The following BAZ1B variants were observed in gnomAD, a reference collection of about 807,000 sequenced individuals.
BAZ1B encodes bromodomain adjacent to zinc finger domain 1B, also known as tyrosine-protein kinase BAZ1B.
Under a neutral mutation model 153.8 loss-of-function variants are expected in BAZ1B, and 22 were observed. The observed-to-expected ratio is 0.14, with a 90% CI of 0.10 to 0.20. The LOEUF (loss-of-function observed/expected upper bound fraction) is 0.20. Ranked by LOEUF, BAZ1B falls within the 10% of genes least tolerant of loss-of-function variation. The pLI is 1.00. For synonymous variants in BAZ1B, 676 were observed against 633.4 expected, an observed-to-expected ratio of 1.07 and a Z score of -1.01; for missense variants, 1,325 against 1,799.3, an observed-to-expected ratio of 0.74 and a Z score of 4.77.
chr7:73,458,860 T>C (rs1249426670), intron 13 of BAZ1B, among the ~76,000 whole-genome samples: 2 of 152,236 alleles, frequency 1.3e-5, no homozygotes, highest in East Asian at 3.9e-4. Flanking sequence ...AATCACCGCA[T>C]ACCAGCTTAC....
chr7:73,440,658 A>T lies in BAZ1B; in HGVS notation c.*1051T>A, dbSNP rs1563358111. 1 of 152,224 alleles carries T rather than the reference A, an allele frequency of 6.6e-6. No individual in the cohort carries two copies. The highest frequency in any genetic ancestry group is 2.4e-5 in the African/African-American group (1 of 41,420). The allele number at this position is 152,224 out of a possible 1,614,324, so 9.4% of individuals were successfully genotyped here. A position where few individuals can be genotyped will look rare whatever the true frequency, so the allele number is the denominator to read the frequency against. ...GTCAGTGCCAACTCCATGCCTATAGAAGGGACGGTAAACTACCCAGCAGCC... is the reference window on the plus strand; with the variant it reads ...GTCAGTGCCAACTCCATGCCTATAGTAGGGACGGTAAACTACCCAGCAGCC... On this transcript the variant is annotated 3_prime_UTR_variant, in exon 20 of 20. Coordinates refer to ENST00000339594, the MANE Select transcript of BAZ1B (RefSeq NM_032408.4).
rs564058302 is a variant in BAZ1B at position 73,450,227 on chromosome 7, T to G, written c.3581-538A>C. On this transcript the variant is annotated intron_variant, in intron 14 of 19. Coordinates refer to ENST00000339594, the MANE Select transcript of BAZ1B (RefSeq NM_032408.4). This position sits in a 1 kb window ranked among gnomAD's most constrained non-coding sequence, Gnocchi z 4.1. The stretch of plus-strand genomic sequence containing the variant: ...CGCGCCCGGCCCCTGATGGGTTCCC[T>G]TAAACCATGTGGTTTCTTACATTTG... 9.8e-5 allele frequency among the ~76,000 whole-genome samples: 15 copies of G among 152,300 alleles called. No individual in the cohort carries two copies. Among genetic ancestry groups the G allele is most frequent in the South Asian group, 8.3e-4 (4 of 4,820 alleles).
At chr7:73,468,220 G>A (rs1366053960) in intron 9 of BAZ1B, among the ~76,000 whole-genome samples, 1 of 152,174 alleles carries the variant, frequency 6.6e-6, no homozygotes, top group Non-Finnish European at 1.5e-5. Flanking sequence ...GCTGAAAGAA[G>A]CTTATGGATC....
chr7:73,468,188 T>C (rs1278705260), intron 9 of BAZ1B, among the ~76,000 whole-genome samples: 2 of 152,236 alleles, frequency 1.3e-5, no homozygotes, highest in African/African-American at 4.8e-5. Context: ...TAAGCAATTT[T>C]CATTAGGTTA....
intron 15 of BAZ1B, among the ~76,000 whole-genome samples, chr7:73,447,657 T>C (rs1787887501): frequency 6.6e-6 from 1 of 152,166 alleles, no homozygotes; most frequent in Non-Finnish European, 1.5e-5. Context: ...AATGCAATCC[T>C]ACCCTTCCCC....
chr7:73,475,028 C>T (rs1480165904), intron 7 of BAZ1B, among the ~76,000 whole-genome samples: 1 of 152,058 alleles, frequency 6.6e-6, no homozygotes, highest in African/African-American at 2.4e-5. Flanking sequence ...CAATGAGATA[C>T]CATTTCACAC....
At chr7:73,514,966 G>A (rs1377810178) in intron 1 of BAZ1B, among the ~76,000 whole-genome samples, 7 of 152,040 alleles carry the variant, frequency 4.6e-5, no homozygotes, top group African/African-American at 7.2e-5. Context: ...CCAGCTACTC[G>A]GGAGGCTGAG....
In BAZ1B at chr7:73,465,545, G is replaced by A. The variant is rs539980168; in HGVS notation, c.2973-8C>T. On this transcript the variant is annotated splice_polypyrimidine_tract_variant and splice_region_variant and intron_variant, in intron 10 of 19. Coordinates refer to ENST00000339594, the MANE Select transcript of BAZ1B (RefSeq NM_032408.4). The stretch of plus-strand genomic sequence containing the variant: ...TGACTATCACATAAAAACCTGTAGG[G>A]GCAAAAGAGACCTGATAACTCTGAA... The A allele has an allele frequency of 1.3e-6, 2 of 1,567,848 alleles. No homozygotes were observed. Among genetic ancestry groups the A allele is most frequent in the East Asian group, 2.3e-5 (1 of 44,348 alleles).
In BAZ1B at chr7:73,477,487, G is replaced by C; in HGVS notation, c.1974C>G (p.Leu658=). 1 of 1,614,198 alleles carries C rather than the reference G, an allele frequency of 6.2e-7. No individual in the cohort carries two copies. Among genetic ancestry groups the C allele is most frequent in the Non-Finnish European group, 8.5e-7 (1 of 1,180,028 alleles). The part of the protein sequence containing the change: ...FLYLNRVLVI[L]LQTLLQDEIA... ...TCTCATCTTGTAGGAGGGTCTGTAA[G>C]AGGATGACCAACACCCTGTTAAGGT... is the stretch of plus-strand genomic sequence containing the variant. The change falls in exon 7 of 20, where the codon CTC becomes CTG. Residue 658 remains leucine (L), a synonymous_variant. Transcript: ENST00000339594. This position sits in a 1 kb window ranked among gnomAD's most constrained non-coding sequence, Gnocchi z 5.6.
chr7:73,463,144 G>A (rs1237591544), intron 11 of BAZ1B, 45 bp from the exon 12 acceptor site: 2 of 1,497,300 alleles, frequency 1.3e-6, no homozygotes, highest in African/African-American at 1.4e-5. Context: ...ACAAACTTTT[G>A]AAGATGTTCT....
At chr7:73,511,099 T>C (rs1174684107) in intron 1 of BAZ1B, among the ~76,000 whole-genome samples, 7 of 151,792 alleles carry the variant, frequency 4.6e-5, no homozygotes, top group African/African-American at 1.7e-4. Context: ...AAACCCCGTG[T>C]CTACTAAAAA....
chr7:73,496,033 A>G (rs896058256), intron 4 of BAZ1B, among the ~76,000 whole-genome samples: 1 of 152,212 alleles, frequency 6.6e-6, no homozygotes, highest in African/African-American at 2.4e-5. Context: ...ATTAATAAAT[A>G]TAACAGAAAA....
intron 1 of BAZ1B, among the ~76,000 whole-genome samples, chr7:73,518,852 C>G (rs572938812): frequency 6.6e-6 from 1 of 152,292 alleles, no homozygotes; most frequent in South Asian, 2.1e-4. Context: ...TATTTCTAAG[C>G]TTTAGAAACT....
chr7:73,474,157 C>T (rs1378766085), intron 7 of BAZ1B, among the ~76,000 whole-genome samples: 1 of 151,936 alleles, frequency 6.6e-6, no homozygotes, highest in Non-Finnish European at 1.5e-5. Flanking sequence ...TGATTTTTGA[C>T]AAGCGTATCA....
At chr7:73,462,617 T>G in intron 12 of BAZ1B, 1 of 332,832 alleles carries the variant, frequency 3.0e-6, no homozygotes, top group South Asian at 2.9e-5. Flanking sequence ...CATCGCAAGG[T>G]AAAGATGTTA....
rs73362328 is a variant in BAZ1B, at chr7:73,459,496, T to C, written c.3432+40A>G. 3,096 of 1,590,466 alleles carry C rather than the reference T, an allele frequency of 1.9e-3. 54 individuals carry two copies. In the African/African-American group the frequency reaches 0.035, roughly 18 times the overall value. ...ATTATTTTAAAACCAAATCAACTCA[T>C]CTACGGAATCATAAACTACAACTTA... On this transcript the variant is annotated intron_variant, in intron 13 of 19. Coordinates refer to ENST00000339594, the MANE Select transcript of BAZ1B (RefSeq NM_032408.4).
chr7:73,465,561 T>G, intron 10 of BAZ1B, 24 bp from the exon 11 acceptor site: 1 of 1,419,914 alleles, frequency 7.0e-7, no homozygotes, highest in Non-Finnish European at 9.6e-7. Context: ...AGAGACCTGA[T>G]AACTCTGAAA....
At chr7:73,456,689 G>T (rs1277950984) in intron 13 of BAZ1B, among the ~76,000 whole-genome samples, 1 of 151,974 alleles carries the variant, frequency 6.6e-6, no homozygotes, top group Non-Finnish European at 1.5e-5. Flanking sequence ...GGCCTATAAT[G>T]CCAGCACTCT....
chr7:73,464,723 G>T (rs980445070), intron 11 of BAZ1B, among the ~76,000 whole-genome samples: 5 of 152,012 alleles, frequency 3.3e-5, no homozygotes, highest in East Asian at 1.9e-4. Context: ...AATTTTGGGG[G>T]TTTTTTGTTT....
Sources: allele counts gnomAD v4.1 joint callset (sites outside exome capture counted in the v4.1 genomes callset), GRCh38; gene constraint gnomAD v4.1.1; non-coding constraint Gnocchi (gnomAD v3.1); transcripts MANE v1.5; gene names NCBI Gene and HGNC (gene_info 2026-07-23, HGNC 2026-07-21).